FHIP1A: variants seen among roughly 807,000 people sequenced by gnomAD.
FHIP1A encodes FHF complex subunit HOOK-interacting protein 1A.
A neutral mutation model predicts 88.6 loss-of-function variants in FHIP1A; 61 were observed. The ratio of observed to expected loss-of-function variants is 0.69; its 90% CI spans 0.56 to 0.85. The LOEUF (loss-of-function observed/expected upper bound fraction) is 0.85. Among genes scored for constraint, FHIP1A ranks in the 40% least tolerant of loss-of-function variants. FHIP1A has a pLI of 0.00. For synonymous variants in FHIP1A, 478 were observed against 496.0 expected, an observed-to-expected ratio of 0.96 and a Z score of 0.48; for missense variants, 1,154 against 1,273.5, an observed-to-expected ratio of 0.91 and a Z score of 1.43.
chr4:151,623,869 G>A (rs1198042283), intron 7 of FHIP1A, among the ~76,000 whole-genome samples: 1 of 152,102 alleles, frequency 6.6e-6, no homozygotes, highest in Non-Finnish European at 1.5e-5. Context: ...GCTGGCAACC[G>A]TATTCTCTGC....
At chr4:151,553,895 TG>T (rs774612177) in intron 3 of FHIP1A, among the ~76,000 whole-genome samples, 4 of 152,202 alleles carry the variant, frequency 2.6e-5, no homozygotes, top group Admixed American at 6.5e-5. Flanking sequence ...AATCACATCA[TG>T]TTTTTATCAG....
intron 7 of FHIP1A, among the ~76,000 whole-genome samples, chr4:151,620,878 T>TAA (rs149285456): frequency 1.4e-5 from 2 of 139,338 alleles, no homozygotes. Context: ...ACACCGAGAA[T>TAA]AAAAAAAAAA....
intron 1 of FHIP1A, among the ~76,000 whole-genome samples, chr4:151,439,964 T>A (rs1222633576): frequency 1.3e-5 from 2 of 152,194 alleles, no homozygotes; most frequent in African/African-American, 4.8e-5. Context: ...TATTAGTCCG[T>A]TCTCACATTG....
At chr4:151,647,088 A>T (rs1366411549) in intron 10 of FHIP1A, among the ~76,000 whole-genome samples, 1 of 152,244 alleles carries the variant, frequency 6.6e-6, no homozygotes, top group East Asian at 1.9e-4. Context: ...AGACAGAATC[A>T]GCCCTAATTT....
rs1181974506 is a variant in FHIP1A at position 151,411,088 on chromosome 4, C to T, written c.-356+1623C>T. On this transcript the variant is annotated intron_variant, in intron 1 of 13. Transcript: ENST00000435205. ...TCTCATATAAAGACATTGTGTAGGA[C>T]TTTTAATGGAGGACTTGAAGACTAG... Among the ~76,000 whole-genome samples the T allele has an allele frequency of 2.0e-5, 3 of 152,162 alleles. No individual in the cohort carries two copies. In the East Asian group the frequency reaches 5.8e-4, roughly 29 times the overall value.
chr4:151,439,292 A>G (rs1728319437), intron 1 of FHIP1A, among the ~76,000 whole-genome samples: 1 of 152,158 alleles, frequency 6.6e-6, no homozygotes, highest in Non-Finnish European at 1.5e-5. Flanking sequence ...TGTGGGGACT[A>G]AAGGAGTTTA....
At chr4:151,612,423 C>T (rs962497605) in intron 7 of FHIP1A, among the ~76,000 whole-genome samples, 2 of 152,190 alleles carry the variant, frequency 1.3e-5, no homozygotes, top group East Asian at 1.9e-4. Context: ...CTCCGTTGCT[C>T]AGGCTGGATT....
intron 2 of FHIP1A, among the ~76,000 whole-genome samples, chr4:151,473,624 A>G (rs570388361): frequency 1.3e-4 from 20 of 152,266 alleles, no homozygotes; most frequent in African/African-American, 4.6e-4. Flanking sequence ...CTCTGTGTGA[A>G]AAGCTTAAAG....
chr4:151,586,451 A>G (rs1041442005), intron 5 of FHIP1A, among the ~76,000 whole-genome samples, 190 bp from the exon 6 acceptor site: 1 of 152,116 alleles, frequency 6.6e-6, no homozygotes, highest in African/African-American at 2.4e-5. Context: ...CTTCTGCCAG[A>G]GTTGTCCTTC....
chr4:151,602,214 T>A (rs1428981422), intron 7 of FHIP1A, among the ~76,000 whole-genome samples: 1 of 152,152 alleles, frequency 6.6e-6, no homozygotes, highest in Non-Finnish European at 1.5e-5. Flanking sequence ...TTACAGGGTA[T>A]GAAAATCAAA....
intron 11 of FHIP1A, among the ~76,000 whole-genome samples, chr4:151,650,871 A>G (rs1376394961): frequency 1.3e-5 from 2 of 152,268 alleles, no homozygotes; most frequent in African/African-American, 4.8e-5. Context: ...TAAACCACAC[A>G]AGAATCCAGA....
chr4:151,641,265 GT>G (rs1424186460), intron 9 of FHIP1A, among the ~76,000 whole-genome samples: 1 of 152,196 alleles, frequency 6.6e-6, no homozygotes. Context: ...ACAGAAGTCA[GT>G]TGGGCACATA....
At chr4:151,468,496 T>G (rs1729405051) in intron 2 of FHIP1A, among the ~76,000 whole-genome samples, 1 of 152,134 alleles carries the variant, frequency 6.6e-6, no homozygotes, top group South Asian at 2.1e-4. Flanking sequence ...CCCCTTTCTA[T>G]TAGCATTCTT....
intron 8 of FHIP1A, among the ~76,000 whole-genome samples, chr4:151,631,934 A>G (rs553646296): frequency 6.6e-6 from 1 of 152,238 alleles, no homozygotes; most frequent in Non-Finnish European, 1.5e-5. Context: ...TGGAAATAGT[A>G]AGTCCTTCCA....
intron 3 of FHIP1A, among the ~76,000 whole-genome samples, chr4:151,558,484 G>T (rs777727213): frequency 6.6e-6 from 1 of 152,108 alleles, no homozygotes; most frequent in Non-Finnish European, 1.5e-5. Context: ...GCAGTGAACC[G>T]AGATGCGTCA....
intron 13 of FHIP1A, among the ~76,000 whole-genome samples, chr4:151,659,908 CTG>C (rs769186860): frequency 6.6e-6 from 1 of 152,226 alleles, no homozygotes; most frequent in Non-Finnish European, 1.5e-5. Flanking sequence ...CTGTTGGTCT[CTG>C]AGATTCAGCC....
intron 8 of FHIP1A, among the ~76,000 whole-genome samples, chr4:151,633,587 A>T (rs1218803746): frequency 6.6e-6 from 1 of 151,984 alleles, no homozygotes; most frequent in African/African-American, 2.4e-5. Flanking sequence ...TAAACAGCAC[A>T]TGGTAAGGAT....
intron 5 of FHIP1A, among the ~76,000 whole-genome samples, chr4:151,581,331 G>T (rs1410822894): frequency 6.6e-6 from 1 of 152,086 alleles, no homozygotes; most frequent in Admixed American, 6.6e-5. Context: ...TTGGAGTAGG[G>T]TGCAGTTCTA....
intron 1 of FHIP1A, among the ~76,000 whole-genome samples, chr4:151,415,291 A>G (rs1033830283): frequency 2.0e-5 from 3 of 151,896 alleles, no homozygotes; most frequent in African/African-American, 7.3e-5. Context: ...GGTTCGAGCA[A>G]TTCTCCTGCC....
Sources: allele counts gnomAD v4.1 joint callset (sites outside exome capture counted in the v4.1 genomes callset), GRCh38; gene constraint gnomAD v4.1.1; transcripts MANE v1.5; gene names NCBI Gene and HGNC (gene_info 2026-07-23, HGNC 2026-07-21).